SNX3: variants seen among roughly 807,000 people sequenced by gnomAD.
SNX3 encodes the protein sorting nexin-3.
A neutral mutation model predicts 17.7 loss-of-function variants in SNX3; 5 were observed. That is an observed-to-expected ratio of 0.28 (90% CI 0.15 to 0.59). The LOEUF (loss-of-function observed/expected upper bound fraction) is 0.59, where lower values mean the gene tolerates loss of function less well. Ranked by LOEUF, SNX3 falls within the 20% of genes least tolerant of loss-of-function variation. The probability of loss-of-function intolerance (pLI) is 0.88; values close to 1 mark genes in which losing one functional copy is unlikely to be tolerated. For missense variants in SNX3, 132 were observed against 206.8 expected (o/e 0.64, Z 2.22); for synonymous variants, 91 against 76.5 (o/e 1.19, Z -0.99).
intron 1 of SNX3, among the ~76,000 whole-genome samples, chr6:108,235,917 T>C (rs1775315273): frequency 6.6e-6 from 1 of 152,184 alleles, no homozygotes; most frequent in Admixed American, 6.5e-5. Flanking sequence ...AGACTTGTTA[T>C]TTATTCAACT....
chr6:108,231,576 G>A (rs773192499), intron 1 of SNX3, among the ~76,000 whole-genome samples: 2 of 152,148 alleles, frequency 1.3e-5, no homozygotes, highest in Non-Finnish European at 1.5e-5. Flanking sequence ...GCTTTCCATC[G>A]GAAGGCACAT....
intron 2 of SNX3, chr6:108,222,257 C>T (rs1344472945): frequency 1.5e-6 from 2 of 1,304,264 alleles, no homozygotes; most frequent in Non-Finnish European, 2.0e-6. Context: ...AATAACTTTT[C>T]ATCATTCTGA....
rs1351355223 is a variant in SNX3 at position 108,231,673 on chromosome 6, T to G, written c.163-8628A>C. On this transcript the variant is annotated intron_variant, in intron 1 of 3. Transcript: ENST00000230085. ...TATCTTTTCCCCACCTTTTAATTCC[T>G]TTTTCCTGAACCAGCCCTTCATAAT... Among the ~76,000 whole-genome samples, 4 of 152,352 alleles carry G rather than the reference T, an allele frequency of 2.6e-5. No individual in the cohort carries two copies. The East Asian group carries it at 5.8e-4, about 22-fold the overall frequency.
rs538429394 is a variant in SNX3 at position 108,224,341 on chromosome 6, C to T, written c.163-1296G>A. Among the ~76,000 whole-genome samples, 11 of 152,234 alleles carry T rather than the reference C, an allele frequency of 7.2e-5. No homozygotes were observed. The South Asian group carries it at 2.1e-3, about 29-fold the overall frequency. On this transcript the variant is annotated intron_variant, in intron 1 of 3. Transcript: ENST00000230085. ...TGTCGCCCAGGCTGTAGTGCAGTGGCGTGATCTCGGCTCACTGAGATCTCC... is the reference window on the plus strand; with the variant it reads ...TGTCGCCCAGGCTGTAGTGCAGTGGTGTGATCTCGGCTCACTGAGATCTCC...
Position 108,232,311 on chromosome 6 carries a change from C to A in SNX3, c.163-9266G>T, listed in dbSNP as rs551133913. Among the ~76,000 whole-genome samples, 743 of 152,238 alleles carry A rather than the reference C, an allele frequency of 4.9e-3. 5 individuals are homozygous for A. The highest frequency in any genetic ancestry group is 7.3e-3 in the Non-Finnish European group (498 of 68,002). ...TATTACTAATCACACAGGGTAAGAT[C>A]ATCAGGAATGCAAATGGATATTACA... On this transcript the variant is annotated intron_variant, in intron 1 of 3. Transcript: ENST00000230085.
chr6:108,244,173 A>T (rs1430647167), intron 1 of SNX3, among the ~76,000 whole-genome samples: 1 of 151,850 alleles, frequency 6.6e-6, no homozygotes, highest in Non-Finnish European at 1.5e-5. Flanking sequence ...CTTCTTTATG[A>T]GATGGTGGGT....
At chr6:108,224,123 G>A (rs1416946380) in intron 1 of SNX3, among the ~76,000 whole-genome samples, 8 of 151,958 alleles carry the variant, frequency 5.3e-5, no homozygotes, top group African/African-American at 1.9e-4. Flanking sequence ...CACACTGCCC[G>A]TTGATGTAGA....
chr6:108,240,837 G>A (rs1044470270), intron 1 of SNX3, among the ~76,000 whole-genome samples: 1 of 152,034 alleles, frequency 6.6e-6, no homozygotes, highest in African/African-American at 2.4e-5. Flanking sequence ...CCAAGTATCT[G>A]TGGAGGTCTG....
chr6:108,236,070 AT>A (rs1482876613), intron 1 of SNX3, among the ~76,000 whole-genome samples: 1 of 152,192 alleles, frequency 6.6e-6, no homozygotes, highest in African/African-American at 2.4e-5. Context: ...TAGAAATCTG[AT>A]AAAATCAGCT....
chr6:108,229,685 C>A (rs1775083041), intron 1 of SNX3, among the ~76,000 whole-genome samples: 1 of 152,172 alleles, frequency 6.6e-6, no homozygotes, highest in African/African-American at 2.4e-5. Flanking sequence ...TCTTTTAACA[C>A]AGAGCTAGCC....
chr6:108,241,733 A>G (rs1325251716), intron 1 of SNX3, among the ~76,000 whole-genome samples: 1 of 152,230 alleles, frequency 6.6e-6, no homozygotes, highest in African/African-American at 2.4e-5. Context: ...GCAGGAGGCA[A>G]TCTAACTCAG....
intron 1 of SNX3, among the ~76,000 whole-genome samples, chr6:108,235,781 A>T (rs1308491827): frequency 2.6e-5 from 4 of 152,172 alleles, no homozygotes; most frequent in African/African-American, 9.7e-5. Context: ...CTGTAGTCCC[A>T]GCTACTTGGG....
intron 3 of SNX3, among the ~76,000 whole-genome samples, chr6:108,213,332 C>G (rs760226572): frequency 6.6e-6 from 1 of 152,080 alleles, no homozygotes; most frequent in Non-Finnish European, 1.5e-5. Context: ...CACTGGGCAA[C>G]CGGACTATTA....
Position 108,214,629 on chromosome 6 carries a change from T to C in SNX3, c.259-7A>G, listed in dbSNP as rs1774508578. ...GGAGCGGGGGAACTACGACCTAAAATGTGAAGACAGAAACTCCTTGATCAT... is the reference window on the plus strand; with the variant it reads ...GGAGCGGGGGAACTACGACCTAAAACGTGAAGACAGAAACTCCTTGATCAT... On this transcript the variant is annotated splice_region_variant and splice_polypyrimidine_tract_variant and intron_variant, in intron 2 of 3. Transcript: ENST00000230085. The C allele has an allele frequency of 3.1e-6, 5 of 1,608,392 alleles. No homozygotes were observed. The highest frequency in any genetic ancestry group is 1.3e-5 in the African/African-American group (1 of 74,362).
chr6:108,235,228 C>T (rs887066900), intron 1 of SNX3, among the ~76,000 whole-genome samples: 3 of 152,156 alleles, frequency 2.0e-5, no homozygotes, highest in Non-Finnish European at 4.4e-5. Flanking sequence ...ATCCTGTCAC[C>T]GTTATTCTGT....
In SNX3 at chr6:108,221,616, G is replaced by A. The variant is rs192859383; in HGVS notation, c.258+1334C>T. ...GCTGGAGTGCAGGGGCAAGACTACA[G>A]CTCACTGCAACCTCTGCCTCCTGGA... On this transcript the variant is annotated intron_variant, in intron 2 of 3. Transcript: ENST00000230085. Among the ~76,000 whole-genome samples, 209 of 126,890 alleles carry A rather than the reference G, an allele frequency of 1.6e-3. 6 individuals carry two copies. In the Admixed American group the frequency reaches 0.018, roughly 11 times the overall value. 83.2% of individuals were successfully genotyped at this position (126,890 alleles called of 152,430 possible). A position where few individuals can be genotyped will look rare whatever the true frequency, so the allele number is the denominator to read the frequency against.
chr6:108,248,344 T>C (rs1172956500), intron 1 of SNX3, among the ~76,000 whole-genome samples: 1 of 152,244 alleles, frequency 6.6e-6, no homozygotes, highest in Non-Finnish European at 1.5e-5. Context: ...AGTTCATAAA[T>C]GTTCATTTAT....
intron 1 of SNX3, among the ~76,000 whole-genome samples, chr6:108,256,459 G>A (rs1279772608): frequency 2.6e-5 from 4 of 152,262 alleles, no homozygotes; most frequent in African/African-American, 7.2e-5. Context: ...TAAATTTTGC[G>A]TGCTTATTAT....
intron 1 of SNX3, among the ~76,000 whole-genome samples, chr6:108,259,737 T>C (rs1383949158): frequency 7.2e-5 from 11 of 152,248 alleles, no homozygotes; most frequent in Admixed American, 2.0e-4. Context: ...ATGGTAAATT[T>C]GATTTTTGTG....
Sources: allele counts gnomAD v4.1 joint callset (sites outside exome capture counted in the v4.1 genomes callset), GRCh38; gene constraint gnomAD v4.1.1; transcripts MANE v1.5; gene names NCBI Gene and HGNC (gene_info 2026-07-23, HGNC 2026-07-21).